The following DLG2 variants were observed in gnomAD, a reference collection of about 807,000 sequenced individuals.
DLG2 encodes the protein disks large homolog 2.
DLG2 carries 45 observed loss-of-function variants against 132.5 expected under a neutral mutation model. The ratio of observed to expected loss-of-function variants is 0.34; its 90% CI spans 0.27 to 0.44. DLG2 has a LOEUF of 0.44. Among genes scored for constraint, DLG2 ranks in the 20% least tolerant of loss-of-function variants. The pLI is 1.00. For synonymous variants in DLG2, 424 were observed against 419.6 expected (o/e 1.01, Z -0.13); for missense variants, 1,045 against 1,196.9 (o/e 0.87, Z 1.87).
chr11:84,637,391 G>C (rs1328974268), intron 6 of DLG2, among the ~76,000 whole-genome samples: 1 of 152,170 alleles, frequency 6.6e-6, no homozygotes, highest in Non-Finnish European at 1.5e-5. Context: ...TCTGCTGCTA[G>C]ACAGTGAACA....
intron 16 of DLG2, among the ~76,000 whole-genome samples, chr11:83,843,766 T>C (rs1183991903): frequency 6.6e-6 from 1 of 152,062 alleles, no homozygotes; most frequent in Non-Finnish European, 1.5e-5. Context: ...GTGTTGAAAT[T>C]CCGATAAGAC....
intron 7 of DLG2, among the ~76,000 whole-genome samples, chr11:84,377,496 G>C (rs2098733944): frequency 6.6e-6 from 1 of 151,806 alleles, no homozygotes; most frequent in African/African-American, 2.4e-5. Flanking sequence ...TAACTTTCTA[G>C]GTGATTATAT....
intron 18 of DLG2, among the ~76,000 whole-genome samples, chr11:83,643,302 A>G (rs2067139080): frequency 6.6e-6 from 1 of 152,060 alleles, no homozygotes; most frequent in African/African-American, 2.4e-5. Flanking sequence ...TAAATGTGAA[A>G]CTCTGTGGGG....
At chr11:83,919,184 T>C (rs1397576995) in intron 15 of DLG2, among the ~76,000 whole-genome samples, 2 of 152,296 alleles carry the variant, frequency 1.3e-5, no homozygotes, top group East Asian at 3.9e-4. Flanking sequence ...ATTATAATGG[T>C]AGAAATCTGG....
intron 7 of DLG2, among the ~76,000 whole-genome samples, chr11:84,481,972 C>T (rs560198523): frequency 9.9e-5 from 15 of 152,224 alleles, no homozygotes; most frequent in African/African-American, 2.9e-4. Context: ...TCCCTTTCTC[C>T]GATATCTTTA....
intron 6 of DLG2, among the ~76,000 whole-genome samples, chr11:84,540,574 C>T (rs553302980): frequency 1.3e-5 from 2 of 152,242 alleles, no homozygotes; most frequent in South Asian, 2.1e-4. Flanking sequence ...GAAATAGGAA[C>T]ACTTTTACAC....
chr11:84,674,469 A>G (rs2099709227), intron 6 of DLG2, among the ~76,000 whole-genome samples: 1 of 152,084 alleles, frequency 6.6e-6, no homozygotes, highest in Non-Finnish European at 1.5e-5. Context: ...GTGATCCTCT[A>G]TCCTGCTAAC....
At chr11:85,506,895 G>T (rs999230570) in intron 3 of DLG2, among the ~76,000 whole-genome samples, 1 of 152,156 alleles carries the variant, frequency 6.6e-6, no homozygotes, top group Non-Finnish European at 1.5e-5. Flanking sequence ...ATGAATCTGG[G>T]TGCTCCTGTA....
At chr11:85,187,304 T>C (rs1018023409) in intron 4 of DLG2, among the ~76,000 whole-genome samples, 1 of 152,030 alleles carries the variant, frequency 6.6e-6, no homozygotes, top group African/African-American at 2.4e-5. Flanking sequence ...CTTTAAAAAA[T>C]TCTTCAGAAT....
intron 3 of DLG2, among the ~76,000 whole-genome samples, chr11:85,308,071 T>C (rs942345635): frequency 6.6e-6 from 1 of 151,842 alleles, no homozygotes; most frequent in Non-Finnish European, 1.5e-5. Flanking sequence ...GGAGAATCGC[T>C]TGATCCCAGG....
intron 7 of DLG2, among the ~76,000 whole-genome samples, chr11:84,402,379 A>C (rs1309506988): frequency 3.3e-5 from 5 of 152,164 alleles, no homozygotes; most frequent in Non-Finnish European, 7.4e-5. Context: ...ATTTGTCTCT[A>C]GGTTTGATGG....
intron 19 of DLG2, among the ~76,000 whole-genome samples, chr11:83,610,927 C>T (rs2060025417): frequency 6.6e-6 from 1 of 152,084 alleles, no homozygotes; most frequent in Non-Finnish European, 1.5e-5. Context: ...ATCAAAGAAC[C>T]TAATCTTTTA....
At chr11:84,067,432 G>A (rs1431057200) in intron 10 of DLG2, among the ~76,000 whole-genome samples, 3 of 152,050 alleles carry the variant, frequency 2.0e-5, no homozygotes, top group Admixed American at 6.6e-5. Context: ...GTTATGAAAA[G>A]GGTCTTGTTT....
At chr11:84,791,864 A>G (rs1459522294) in intron 6 of DLG2, among the ~76,000 whole-genome samples, 2 of 152,174 alleles carry the variant, frequency 1.3e-5, no homozygotes, top group African/African-American at 4.8e-5. Context: ...ATGTAAGATT[A>G]TATCATCTAC....
chr11:83,610,674 GTAA>G (rs141938871), intron 19 of DLG2, among the ~76,000 whole-genome samples: 154 of 151,556 alleles, frequency 1.0e-3, no homozygotes, highest in African/African-American at 1.7e-3. Context: ...ATGCAATGAG[GTAA>G]TAATAATAAT....
At chr11:85,186,635 T>C (rs2080119493) in intron 4 of DLG2, among the ~76,000 whole-genome samples, 1 of 152,138 alleles carries the variant, frequency 6.6e-6, no homozygotes, top group African/African-American at 2.4e-5. Flanking sequence ...AGACAGAACA[T>C]AGATACGTAG....
At chr11:85,553,544 A>G (rs184689225) in intron 3 of DLG2, among the ~76,000 whole-genome samples, 64 of 151,772 alleles carry the variant, frequency 4.2e-4, no homozygotes, top group African/African-American at 1.5e-3. Context: ...GAATAAAATA[A>G]GTACATTTGC....
At chr11:85,178,332 A>C (rs1048944613) in intron 4 of DLG2, among the ~76,000 whole-genome samples, 33 of 152,036 alleles carry the variant, frequency 2.2e-4, no homozygotes, top group African/African-American at 7.5e-4. Context: ...GAATAACACA[A>C]ATATAGTAAA....
intron 6 of DLG2, among the ~76,000 whole-genome samples, chr11:84,871,711 GTTTATTTA>G (rs140551159): frequency 9.9e-5 from 15 of 151,366 alleles, no homozygotes; most frequent in East Asian, 7.7e-4. Flanking sequence ...TCATTTCATT[GTTTATTTA>G]TTTATTTATT....
Sources: allele counts gnomAD v4.1 joint callset (sites outside exome capture counted in the v4.1 genomes callset), GRCh38; gene constraint gnomAD v4.1.1; transcripts MANE v1.5; gene names NCBI Gene and HGNC (gene_info 2026-07-23, HGNC 2026-07-21).